Variants in KIF1B observed in about 807,000 individuals in gnomAD.
The protein encoded by KIF1B is kinesin family member 1B.
In KIF1B, 76 loss-of-function variants were observed where a neutral mutation model predicts 241.9. That is an observed-to-expected ratio of 0.31 (90% confidence interval 0.26 to 0.38). The LOEUF is 0.38. Ranked by LOEUF, KIF1B falls within the 10% of genes least tolerant of loss-of-function variation. KIF1B has a pLI of 1.00. For missense variants in KIF1B, 1,622 were observed against 2,271.4 expected (o/e 0.71, Z 5.81); for synonymous variants, 750 against 796.7 (o/e 0.94, Z 0.99).
intron 2 of KIF1B, among the ~76,000 whole-genome samples, chr1:10,250,818 G>A (rs987035443): frequency 2.0e-5 from 3 of 151,014 alleles, no homozygotes; most frequent in Non-Finnish European, 3.0e-5. Flanking sequence ...AGACCGTGAC[G>A]CTGTCTGGGG....
At chr1:10,348,873 T>C in intron 37 of KIF1B, 140 bp downstream of exon 37, 2 of 710,018 alleles carry the variant, frequency 2.8e-6, no homozygotes, top group Non-Finnish European at 5.1e-6. Context: ...ACTCCTGGGC[T>C]CAAGCAATCC....
chr1:10,237,703 G>A (rs373474195), intron 2 of KIF1B, among the ~76,000 whole-genome samples: 77 of 152,160 alleles, frequency 5.1e-4, no homozygotes, highest in African/African-American at 1.6e-3. Context: ...ATGATTTCAT[G>A]TCCACTATTG....
At chr1:10,349,865 A>C (rs1004395136) in intron 37 of KIF1B, among the ~76,000 whole-genome samples, 1 of 152,268 alleles carries the variant, frequency 6.6e-6, no homozygotes, top group African/African-American at 2.4e-5. Flanking sequence ...TAAAGTATTT[A>C]GGATTACAAA....
At chr1:10,289,147 G>A (rs1003218600) in intron 15 of KIF1B, among the ~76,000 whole-genome samples, 13 of 152,118 alleles carry the variant, frequency 8.5e-5, no homozygotes, top group African/African-American at 2.9e-4. Context: ...GTTTTGGCAT[G>A]TGCTCGTCCC....
At position 10,375,277 on chromosome 1, in the gene KIF1B, G is replaced by A. The variant is rs762528274; in HGVS notation, c.5312G>A (p.Cys1771Tyr). 4 of 1,613,994 alleles carry A rather than the reference G, an allele frequency of 2.5e-6. No individual in the cohort carries two copies. In the South Asian group the frequency reaches 4.4e-5, roughly 18 times the overall value. The change falls in exon 48 of 49, where the codon TGC becomes TAC. Residue 1771 changes from cysteine to tyrosine, a missense_variant. Physicochemically the swap from Cys to Tyr is radical, Grantham distance 194. This residue lies in a region of KIF1B where 357 missense variants were observed against 409.0 expected (regional missense o/e 0.87). Coordinates refer to ENST00000676179, the MANE Select transcript of KIF1B (RefSeq NM_001365951.3). ...CAGACACCAAACACCTTTGCTGTCT[G>A]CACAAAGCACCGTGGGGTCCTTTTG... ...MVKTPNTFAV[C>Y]TKHRGVLLQA...
chr1:10,369,166 C>T (rs1435418446), intron 44 of KIF1B, among the ~76,000 whole-genome samples: 3 of 152,172 alleles, frequency 2.0e-5, no homozygotes, highest in Non-Finnish European at 4.4e-5. Context: ...TCTACCTACA[C>T]CTCTTTCCTG....
Position 10,291,140 on chromosome 1 carries a change from CAG to C in KIF1B, c.1496_1497del (p.Glu499GlyfsTer12). 1 of 1,612,378 alleles carries C rather than the reference CAG, an allele frequency of 6.2e-7. No homozygotes were observed. Among genetic ancestry groups the C allele is most frequent in the Non-Finnish European group, 8.5e-7 (1 of 1,178,658 alleles). On this transcript the variant is annotated frameshift_variant, in exon 16 of 49. Coordinates refer to ENST00000676179, the MANE Select transcript of KIF1B (RefSeq NM_001365951.3). LOFTEE classifies it high-confidence loss of function. ...ACTTGGGAAGAGAAGCTTCGTAAAA[CAG>C]AGGCCATCAGAATGGAGAGGTCAGG...
intron 20 of KIF1B, 33 bp downstream of exon 20, chr1:10,296,698 A>G (rs749455149): frequency 1.1e-5 from 18 of 1,571,740 alleles, no homozygotes; most frequent in South Asian, 5.5e-5. Context: ...ATCTTCAGCA[A>G]TGTGCACATG....
intron 18 of KIF1B, 70 bp downstream of exon 18, chr1:10,295,235 A>C: frequency 1.1e-6 from 1 of 938,850 alleles, no homozygotes; most frequent in Non-Finnish European, 1.8e-6. Context: ...AACTAAAGGG[A>C]AGGGGTTGAA....
chr1:10,307,226 T>A (rs1013936967), intron 22 of KIF1B: 1 of 1,025,924 alleles, frequency 9.7e-7, no homozygotes, highest in Admixed American at 5.8e-5. Context: ...TGAATAAAAT[T>A]GCTTAATTGA....
chr1:10,327,072 G>A (rs527426610), intron 27 of KIF1B, among the ~76,000 whole-genome samples: 15 of 152,196 alleles, frequency 9.9e-5, no homozygotes, highest in African/African-American at 3.4e-4. Flanking sequence ...GGCCAGGCAC[G>A]GTGGCTCACC....
Position 10,299,264 on chromosome 1 carries a change from T to G in KIF1B, c.2115+2018T>G, listed in dbSNP as rs143455654. Among the ~76,000 whole-genome samples, 29 of 152,318 alleles carry G rather than the reference T, an allele frequency of 1.9e-4. 1 individual carries two copies. Among genetic ancestry groups the G allele is most frequent in the African/African-American group, 7.0e-4 (29 of 41,572 alleles). ...GTGAATGTCTAAGACGTATTTAGTT[T>G]CTAGGGAATGTACATACCCTGCAGA... On this transcript the variant is annotated intron_variant, in intron 22 of 48. Coordinates refer to ENST00000676179, the MANE Select transcript of KIF1B (RefSeq NM_001365951.3).
At chr1:10,273,383 G>C (rs1179136126) in intron 10 of KIF1B, among the ~76,000 whole-genome samples, 1 of 152,152 alleles carries the variant, frequency 6.6e-6, no homozygotes, top group Non-Finnish European at 1.5e-5. Flanking sequence ...GTGAAACTCT[G>C]TCTCTACTAA....
Position 10,296,993 on chromosome 1 carries a change from C to T in KIF1B, c.1958C>T (p.Pro653Leu). The T allele has an allele frequency of 1.9e-6, 3 of 1,614,016 alleles. No homozygotes were observed. The highest frequency in any genetic ancestry group is 1.7e-6 in the Non-Finnish European group (2 of 1,179,948). ...EREKTPSAET[P>L]SEPVDWTFAQ... Reference sequence around the variant, plus strand: ...GAGAAGACTCCTTCTGCTGAGACCCCCTCTGAGCCTGTGGACTGGACATTT... The same window carrying T: ...GAGAAGACTCCTTCTGCTGAGACCCTCTCTGAGCCTGTGGACTGGACATTT... The change falls in exon 21 of 49, where the codon CCC (proline) becomes CTC (leucine). Residue 653 changes from proline (P) to leucine (L), a missense_variant. This residue lies in a region of KIF1B where 803 missense variants were observed against 1,112.0 expected (regional missense o/e 0.72). Transcript: ENST00000676179.
chr1:10,232,513 T>C (rs771221667), intron 2 of KIF1B, 79 bp downstream of exon 2: 11 of 972,422 alleles, frequency 1.1e-5, no homozygotes, highest in African/African-American at 4.8e-5. Context: ...GTGTTCAGAA[T>C]AGATGAACAT....
At chr1:10,258,696 ATCT>A (rs1373273429) in intron 4 of KIF1B, 24 bp downstream of exon 4, 2 of 1,608,686 alleles carry the variant, frequency 1.2e-6, no homozygotes, top group Admixed American at 1.7e-5. Context: ...CAAAACAAAA[ATCT>A]TCTCTTCATT....
intron 22 of KIF1B, chr1:10,308,396 G>A (rs1411908536): frequency 9.5e-7 from 1 of 1,048,198 alleles, no homozygotes; most frequent in South Asian, 4.6e-5. Context: ...ATTAGGTGTT[G>A]TCCCATTATT....
In KIF1B at chr1:10,320,092, C is replaced by T. The variant is rs1416775242; in HGVS notation, c.2165C>T (p.Ser722Phe). 6.2e-7 allele frequency: 1 copy of T among 1,613,880 alleles called. No individual in the cohort carries two copies. Among genetic ancestry groups the T allele is most frequent in the Non-Finnish European group, 8.5e-7 (1 of 1,179,846 alleles). The change falls in exon 23 of 49, where the codon TCT (serine) becomes TTT (phenylalanine). Residue 722 changes from serine (S) to phenylalanine (F), a missense_variant. By Grantham distance (155) the Ser-to-Phe change is radical. Coordinates refer to ENST00000676179, the MANE Select transcript of KIF1B (RefSeq NM_001365951.3). ...TTGCAGAAGCAGGTTGAAACCCGAT[C>T]TCTGGCTGCAGAAACAACTGAAGAG... ...QALQKQVETR[S>F]LAAETTEEEE...
chr1:10,279,340 T>G (rs1649286678), intron 14 of KIF1B, among the ~76,000 whole-genome samples: 1 of 152,236 alleles, frequency 6.6e-6, no homozygotes, highest in Non-Finnish European at 1.5e-5. Flanking sequence ...GTTTGTGGCT[T>G]GAGTGAAGTT....
Sources: allele counts gnomAD v4.1 joint callset (sites outside exome capture counted in the v4.1 genomes callset), GRCh38; gene constraint gnomAD v4.1.1; regional missense constraint gnomAD v4.1.1; transcripts MANE v1.5; gene names NCBI Gene and HGNC (gene_info 2026-07-23, HGNC 2026-07-21).